The following DGKB variants were observed in gnomAD, a reference collection of about 807,000 sequenced individuals.
The protein encoded by DGKB is 90 kDa diacylglycerol kinase.
A neutral mutation model predicts 114.3 loss-of-function variants in DGKB; 67 were observed. The ratio of observed to expected loss-of-function variants is 0.59; its 90% CI spans 0.48 to 0.72. The LOEUF (loss-of-function observed/expected upper bound fraction) is 0.72, where lower values mean the gene tolerates loss of function less well. DGKB is among the 30% of genes least tolerant of loss of function. DGKB has a pLI of 0.00. For missense variants in DGKB, 907 were observed against 975.2 expected (o/e 0.93, Z 0.93); for synonymous variants, 398 against 323.1 (o/e 1.23, Z -2.49).
chr7:14,719,700 A>G (rs1283354219), intron 5 of DGKB, among the ~76,000 whole-genome samples: 1 of 152,158 alleles, frequency 6.6e-6, no homozygotes, highest in African/African-American at 2.4e-5. Context: ...GTAACTTTCC[A>G]TGAATACCTA....
At chr7:14,278,967 T>A (rs865953153) in intron 23 of DGKB, among the ~76,000 whole-genome samples, 2 of 152,218 alleles carry the variant, frequency 1.3e-5, no homozygotes, top group Middle Eastern at 6.8e-3. Context: ...CCATCTGAGA[T>A]ACGGGGTTCA....
intron 23 of DGKB, among the ~76,000 whole-genome samples, chr7:14,330,236 T>C (rs1217235458): frequency 6.6e-6 from 1 of 151,982 alleles, no homozygotes; most frequent in East Asian, 1.9e-4. Flanking sequence ...ATTTCCTTTT[T>C]CCCTTGCAAC....
At chr7:14,157,598 A>G (rs1783207352) in intron 25 of DGKB, among the ~76,000 whole-genome samples, 1 of 152,188 alleles carries the variant, frequency 6.6e-6, no homozygotes, top group African/African-American at 2.4e-5. Flanking sequence ...GTGATGGACT[A>G]TTTGGCCACA....
intron 21 of DGKB, among the ~76,000 whole-genome samples, chr7:14,363,352 C>A (rs1172494475): frequency 6.6e-6 from 1 of 152,036 alleles, no homozygotes; most frequent in African/African-American, 2.4e-5. Context: ...TATTGTATAG[C>A]AGAAAAGACA....
chr7:14,167,903 A>G (rs1784843038), intron 25 of DGKB, among the ~76,000 whole-genome samples: 1 of 152,204 alleles, frequency 6.6e-6, no homozygotes, highest in Non-Finnish European at 1.5e-5. Flanking sequence ...AAAACTGTTC[A>G]GAATATAATA....
intron 23 of DGKB, among the ~76,000 whole-genome samples, chr7:14,234,340 T>C (rs1028027378): frequency 2.6e-5 from 4 of 151,806 alleles, no homozygotes; most frequent in Admixed American, 2.6e-4. Context: ...AAGTGTAAGA[T>C]TTCTGAAAAT....
chr7:14,542,593 G>A (rs1011726757), intron 20 of DGKB, among the ~76,000 whole-genome samples: 46 of 152,096 alleles, frequency 3.0e-4, no homozygotes, highest in African/African-American at 1.1e-3. Context: ...GAACCATCCT[G>A]TAGCTGCCAC....
At chr7:14,202,991 ACATTCACT>A (rs907994257) in intron 23 of DGKB, among the ~76,000 whole-genome samples, 1 of 151,872 alleles carries the variant, frequency 6.6e-6, no homozygotes, top group African/African-American at 2.4e-5. Context: ...CTATTTTCAT[ACATTCACT>A]CATGTAATAC....
chr7:14,209,550 C>T (rs1324040753), intron 23 of DGKB: 6 of 497,562 alleles, frequency 1.2e-5, no homozygotes. Context: ...AGCTCCACTC[C>T]TATTAATTTA....
intron 1 of DGKB, among the ~76,000 whole-genome samples, chr7:14,891,665 G>T (rs1781247154): frequency 6.6e-6 from 1 of 151,340 alleles, no homozygotes; most frequent in Non-Finnish European, 1.5e-5. Flanking sequence ...GGATATTAAT[G>T]ATTTTTAAAT....
chr7:14,612,238 G>C (rs181020282), intron 16 of DGKB, among the ~76,000 whole-genome samples: 89 of 147,326 alleles, frequency 6.0e-4, no homozygotes, highest in African/African-American at 2.1e-3. Context: ...GCAGTGGCAC[G>C]ATCTTGGCTT....
At chr7:14,271,884 A>G (rs1439368480) in intron 23 of DGKB, among the ~76,000 whole-genome samples, 1 of 152,184 alleles carries the variant, frequency 6.6e-6, no homozygotes, top group African/African-American at 2.4e-5. Context: ...CTTCTTTAGA[A>G]CAAAACCCAA....
At chr7:14,436,120 A>C (rs2128801664) in intron 21 of DGKB, among the ~76,000 whole-genome samples, 1 of 152,238 alleles carries the variant, frequency 6.6e-6, no homozygotes, top group African/African-American at 2.4e-5. Flanking sequence ...TATGCCAGAT[A>C]AAAAAATTTG....
At chr7:14,433,250 A>G (rs1828742278) in intron 21 of DGKB, among the ~76,000 whole-genome samples, 1 of 152,158 alleles carries the variant, frequency 6.6e-6, no homozygotes, top group Non-Finnish European at 1.5e-5. Context: ...AGATTAGCTG[A>G]TGCCTTTTTT....
intron 1 of DGKB, among the ~76,000 whole-genome samples, chr7:14,959,066 T>C (rs1020510853): frequency 6.6e-6 from 1 of 152,122 alleles, no homozygotes; most frequent in Non-Finnish European, 1.5e-5. Context: ...TTTGGGATTT[T>C]ATTGTTGTAT....
At chr7:14,873,962 T>A (rs1332207295) in intron 1 of DGKB, among the ~76,000 whole-genome samples, 1 of 152,066 alleles carries the variant, frequency 6.6e-6, no homozygotes, top group African/African-American at 2.4e-5. Flanking sequence ...AAAAATAGAA[T>A]GCTGTATTAC....
chr7:14,728,501 A>G (rs1830352897), intron 5 of DGKB, among the ~76,000 whole-genome samples: 1 of 152,018 alleles, frequency 6.6e-6, no homozygotes, highest in Admixed American at 6.6e-5. Flanking sequence ...CCAGTCTCCT[A>G]AGGTCCTTGG....
chr7:14,645,949 A>G (rs113671487), intron 13 of DGKB, among the ~76,000 whole-genome samples: 2,471 of 152,268 alleles, frequency 0.016, 28 homozygotes, highest in Non-Finnish European at 0.025. Flanking sequence ...AAAATAACTT[A>G]AGAGAGAAAG....
At chr7:14,165,311 G>C (rs1784459320) in intron 25 of DGKB, among the ~76,000 whole-genome samples, 1 of 152,072 alleles carries the variant, frequency 6.6e-6, no homozygotes, top group African/African-American at 2.4e-5. Flanking sequence ...TAATAAAATG[G>C]CTGAGATTCT....
Sources: allele counts gnomAD v4.1 joint callset (sites outside exome capture counted in the v4.1 genomes callset), GRCh38; gene constraint gnomAD v4.1.1; transcripts MANE v1.5; gene names NCBI Gene and HGNC (gene_info 2026-07-23, HGNC 2026-07-21).